RPS6KA5: variants seen among roughly 807,000 people sequenced by gnomAD.
The protein encoded by RPS6KA5 is ribosomal protein S6 kinase A5, also known as ribosomal protein S6 kinase alpha-5.
A neutral mutation model predicts 85.5 loss-of-function variants in RPS6KA5; 27 were observed. The observed-to-expected ratio is 0.32, with a 90% CI of 0.23 to 0.44. The LOEUF (loss-of-function observed/expected upper bound fraction) is 0.44, where lower values mean the gene tolerates loss of function less well. Among genes scored for constraint, RPS6KA5 ranks in the 20% least tolerant of loss-of-function variants. The pLI, the probability that RPS6KA5 is intolerant of heterozygous loss-of-function variation, is 1.00. For synonymous variants in RPS6KA5, 334 were observed against 348.2 expected, an observed-to-expected ratio of 0.96 and a Z score of 0.46; for missense variants, 811 against 980.9, an observed-to-expected ratio of 0.83 and a Z score of 2.31.
chr14:90,882,025 G>A (rs931340767), intron 14 of RPS6KA5, among the ~76,000 whole-genome samples: 5 of 152,068 alleles, frequency 3.3e-5, no homozygotes, highest in Non-Finnish European at 7.4e-5. Flanking sequence ...TTTGCTATGT[G>A]TTTTCTATAT....
intron 3 of RPS6KA5, among the ~76,000 whole-genome samples, chr14:90,966,920 G>A (rs1361214440): frequency 6.6e-6 from 1 of 152,210 alleles, no homozygotes; most frequent in Non-Finnish European, 1.5e-5. Flanking sequence ...TGATGGGCAT[G>A]TCTCAAGTTC....
At position 90,943,010 on chromosome 14, in the gene RPS6KA5, T is replaced by C. The variant is rs150767098; in HGVS notation, c.618+68A>G. 1.9e-3 allele frequency: 1,716 copies of C among 919,370 alleles called. 21 individuals carry two copies. The African/African-American group carries it at 0.025, about 13-fold the overall frequency. The allele number at this position is 919,370 out of a possible 1,614,324, so 57.0% of individuals were successfully genotyped here. ...AGGGCAGTTTTCTGCTAAATGTTTA[T>C]TCTACGGCTAAGTTTTCATCCTTGT... On this transcript the variant is annotated intron_variant, in intron 5 of 16. Transcript: ENST00000614987.
At chr14:90,875,408 A>G (rs758089232) in intron 14 of RPS6KA5, 48 bp from the exon 15 acceptor site, 3 of 1,531,810 alleles carry the variant, frequency 2.0e-6, no homozygotes, top group Non-Finnish European at 2.7e-6. Flanking sequence ...AGATCTGTTA[A>G]AGCCACTCTA....
At chr14:90,957,818 TG>T (rs1254442346) in intron 3 of RPS6KA5, among the ~76,000 whole-genome samples, 4 of 151,742 alleles carry the variant, frequency 2.6e-5, no homozygotes, top group Non-Finnish European at 4.4e-5. Context: ...AAATTTCCTT[TG>T]TTTTTTTTTT....
chr14:90,957,958 A>G (rs927212032), intron 3 of RPS6KA5, among the ~76,000 whole-genome samples: 1 of 152,008 alleles, frequency 6.6e-6, no homozygotes, highest in African/African-American at 2.4e-5. Context: ...CCCAGGCAAC[A>G]CAGCCAGACC....
chr14:91,011,882 T>C (rs1387408216), intron 1 of RPS6KA5, among the ~76,000 whole-genome samples: 1 of 152,188 alleles, frequency 6.6e-6, no homozygotes, highest in Non-Finnish European at 1.5e-5. Context: ...TATTTTCTAA[T>C]TTTTTTATTT....
At chr14:90,906,922 A>G (rs530022307) in intron 7 of RPS6KA5, among the ~76,000 whole-genome samples, 1 of 152,300 alleles carries the variant, frequency 6.6e-6, no homozygotes, top group South Asian at 2.1e-4. Context: ...GCTATAAAAC[A>G]GCCAGACAAG....
chr14:90,880,380 C>T (rs2033757026), intron 14 of RPS6KA5, among the ~76,000 whole-genome samples: 1 of 152,206 alleles, frequency 6.6e-6, no homozygotes, highest in Admixed American at 6.5e-5. Flanking sequence ...CACTATTTGT[C>T]TTTTTGTAAC....
At chr14:91,037,201 G>T (rs1001837738) in intron 1 of RPS6KA5, among the ~76,000 whole-genome samples, 3 of 152,168 alleles carry the variant, frequency 2.0e-5, no homozygotes, top group African/African-American at 7.2e-5. Context: ...AGCAACCACA[G>T]CCCAACAACA....
At position 90,900,694 on chromosome 14, in the gene RPS6KA5, C is replaced by T; in HGVS notation, c.1162G>A (p.Ala388Thr). 6.2e-7 allele frequency: 1 copy of T among 1,613,714 alleles called. No individual in the cohort carries two copies. The highest frequency in any genetic ancestry group is 8.5e-7 in the Non-Finnish European group (1 of 1,179,724). ...AACTGAAGAGGGTCTATGACAGCTG[C>T]ATTACGCTTGAATAGGATGGAAGGA... ...VAPSILFKRN[A>T]AVIDPLQFHM... Residue 388 changes from alanine (A) to threonine (T), a missense_variant, in exon 10 of 17, where the codon GCA becomes ACA. Physicochemically the swap from Ala to Thr is moderately conservative, Grantham distance 58. This residue lies in a region of RPS6KA5 where 650 missense variants were observed against 793.4 expected (regional missense o/e 0.82). Coordinates refer to ENST00000614987, the MANE Select transcript of RPS6KA5 (RefSeq NM_004755.4).
intron 3 of RPS6KA5, among the ~76,000 whole-genome samples, chr14:90,962,612 G>A (rs1160876794): frequency 1.3e-5 from 2 of 150,118 alleles, no homozygotes; most frequent in Non-Finnish European, 3.0e-5. Context: ...TTTGAGATAG[G>A]GTCTCGCTCT....
chr14:91,038,238 G>GA (rs1157000109), intron 1 of RPS6KA5, among the ~76,000 whole-genome samples: 7 of 152,132 alleles, frequency 4.6e-5, no homozygotes, highest in African/African-American at 1.7e-4. Flanking sequence ...TCCCATGTTA[G>GA]GGTCAGACTT....
intron 1 of RPS6KA5, among the ~76,000 whole-genome samples, chr14:91,025,107 C>T (rs1436246856): frequency 2.0e-5 from 3 of 151,674 alleles, no homozygotes; most frequent in Non-Finnish European, 2.9e-5. Context: ...TGCAGTGGTA[C>T]GATCTCGGCT....
intron 5 of RPS6KA5, among the ~76,000 whole-genome samples, chr14:90,940,602 C>T (rs1033571297): frequency 2.0e-5 from 3 of 152,214 alleles, no homozygotes; most frequent in African/African-American, 7.2e-5. Context: ...ATCTGCCACA[C>T]ACACCTATAA....
At chr14:90,883,386 C>A (rs916070499) in intron 14 of RPS6KA5, among the ~76,000 whole-genome samples, 1 of 152,120 alleles carries the variant, frequency 6.6e-6, no homozygotes, top group Non-Finnish European at 1.5e-5. Context: ...TTCACTGATT[C>A]CTTCTTCTGC....
chr14:91,013,058 T>A (rs2041326895), intron 1 of RPS6KA5, among the ~76,000 whole-genome samples: 2 of 152,186 alleles, frequency 1.3e-5, no homozygotes, highest in South Asian at 4.1e-4. Context: ...GGACTCCCTA[T>A]CCTTAAGTGA....
In RPS6KA5 at chr14:90,934,351, A is replaced by T. The variant is rs11848025; in HGVS notation, c.618+8727T>A. Among the ~76,000 whole-genome samples the T allele has an allele frequency of 4.6e-3, 697 of 152,312 alleles. 7 individuals carry two copies. The highest frequency in any genetic ancestry group is 0.016 in the African/African-American group (661 of 41,560). On this transcript the variant is annotated intron_variant, in intron 5 of 16. Coordinates refer to ENST00000614987, the MANE Select transcript of RPS6KA5 (RefSeq NM_004755.4). The stretch of plus-strand genomic sequence containing the variant: ...TGCTTTATAGCATAAAAATTTAAAG[A>T]GAAATTTGGAAAATATAAACATTTA...
chr14:90,864,046 G>A lies in RPS6KA5; in HGVS notation c.*8028C>T, dbSNP rs1356040251. 6.6e-6 allele frequency: 1 copy of A among 152,176 alleles called. No individual in the cohort carries two copies. Among genetic ancestry groups the A allele is most frequent in the African/African-American group, 2.4e-5 (1 of 41,454 alleles). The allele number at this position is 152,176 out of a possible 1,614,324, so 9.4% of individuals were successfully genotyped here. ...TGCTGGGTCAAGTTAATACTCATATGGAAATACATAAACTTTGGCTACTAT... is the reference window on the plus strand; with the variant it reads ...TGCTGGGTCAAGTTAATACTCATATAGAAATACATAAACTTTGGCTACTAT... On this transcript the variant is annotated 3_prime_UTR_variant, in exon 17 of 17. Coordinates refer to ENST00000614987, the MANE Select transcript of RPS6KA5 (RefSeq NM_004755.4).
At chr14:90,977,760 T>G (rs2039629077) in intron 3 of RPS6KA5, among the ~76,000 whole-genome samples, 1 of 152,008 alleles carries the variant, frequency 6.6e-6, no homozygotes, top group South Asian at 2.1e-4. Context: ...TTTCTTAACA[T>G]TAATAAAGGA....
Sources: allele counts gnomAD v4.1 joint callset (sites outside exome capture counted in the v4.1 genomes callset), GRCh38; gene constraint gnomAD v4.1.1; regional missense constraint gnomAD v4.1.1; transcripts MANE v1.5; gene names NCBI Gene and HGNC (gene_info 2026-07-23, HGNC 2026-07-21).